The following GPC5 variants were observed in gnomAD, a reference collection of about 807,000 sequenced individuals.
GPC5 encodes the protein glypican-5.
A neutral mutation model predicts 53.9 loss-of-function variants in GPC5; 47 were observed. The ratio of observed to expected loss-of-function variants is 0.87; its 90% CI spans 0.69 to 1.11. The LOEUF (loss-of-function observed/expected upper bound fraction) is 1.11, where lower values mean the gene tolerates loss of function less well. GPC5 is among the 50% of genes most tolerant of loss of function. The pLI, the probability that GPC5 is intolerant of heterozygous loss-of-function variation, is 0.00. For synonymous variants in GPC5, 286 were observed against 263.3 expected (o/e 1.09, Z -0.84); for missense variants, 748 against 713.1 (o/e 1.05, Z -0.56).
chr13:92,061,121 T>C (rs2041119669), intron 6 of GPC5, among the ~76,000 whole-genome samples: 1 of 152,018 alleles, frequency 6.6e-6, no homozygotes. Context: ...CACTTTATTG[T>C]TAATAGAAAA....
intron 1 of GPC5, among the ~76,000 whole-genome samples, chr13:91,447,662 G>A (rs1382113453): frequency 6.6e-6 from 1 of 152,108 alleles, no homozygotes; most frequent in Non-Finnish European, 1.5e-5. Flanking sequence ...GGCTTGAAAG[G>A]TGGTTGTTAT....
chr13:91,893,894 T>C (rs1410547848), intron 5 of GPC5, among the ~76,000 whole-genome samples: 5 of 151,936 alleles, frequency 3.3e-5, no homozygotes. Context: ...CATTCTTTGC[T>C]GGTCTATTTT....
At chr13:92,758,582 A>G (rs1875012819) in intron 7 of GPC5, among the ~76,000 whole-genome samples, 1 of 152,296 alleles carries the variant, frequency 6.6e-6, no homozygotes, top group African/African-American at 2.4e-5. Flanking sequence ...CTGAACATAG[A>G]GTGGCCATTC....
chr13:92,533,184 A>G (rs775559249), intron 7 of GPC5, among the ~76,000 whole-genome samples: 3 of 152,190 alleles, frequency 2.0e-5, no homozygotes, highest in Non-Finnish European at 4.4e-5. Flanking sequence ...TTACCTTAAA[A>G]GTACTTTTTA....
chr13:92,372,479 C>A (rs994741266), intron 7 of GPC5, among the ~76,000 whole-genome samples: 1 of 152,134 alleles, frequency 6.6e-6, no homozygotes, highest in Non-Finnish European at 1.5e-5. Context: ...ATCAGTGACA[C>A]TCCCCTCAAT....
chr13:91,452,016 T>A (rs1246829921), intron 2 of GPC5, among the ~76,000 whole-genome samples: 1 of 152,104 alleles, frequency 6.6e-6, no homozygotes, highest in Non-Finnish European at 1.5e-5. Context: ...AGGGTCTCAC[T>A]CTGTTGCCCA....
intron 7 of GPC5, among the ~76,000 whole-genome samples, chr13:92,632,876 A>G (rs1885297859): frequency 6.6e-6 from 1 of 151,716 alleles, no homozygotes; most frequent in African/African-American, 2.4e-5. Context: ...AGAAACTCCC[A>G]TTTTTTTGTT....
At chr13:92,074,537 T>G (rs2041237625) in intron 6 of GPC5, among the ~76,000 whole-genome samples, 1 of 152,192 alleles carries the variant, frequency 6.6e-6, no homozygotes, top group Non-Finnish European at 1.5e-5. Flanking sequence ...ATATCATAGT[T>G]GGCCAGTAAT....
intron 6 of GPC5, among the ~76,000 whole-genome samples, chr13:92,052,741 T>A (rs2041040660): frequency 6.6e-6 from 1 of 152,134 alleles, no homozygotes; most frequent in Non-Finnish European, 1.5e-5. Context: ...CCAGCTGGCT[T>A]CACCTCTCAG....
chr13:91,703,276 A>G (rs969172188), intron 3 of GPC5, among the ~76,000 whole-genome samples: 6 of 152,076 alleles, frequency 3.9e-5, no homozygotes, highest in African/African-American at 1.4e-4. Context: ...AAAGGTTTCA[A>G]CTTTTCACTA....
chr13:91,546,551 G>A (rs1953620), intron 2 of GPC5, among the ~76,000 whole-genome samples: 152,186 of 152,226 alleles, frequency 1, 76,073 homozygotes, highest in Middle Eastern at 1. Flanking sequence ...CAATGTCAGT[G>A]TCTTTTTCAT....
intron 7 of GPC5, among the ~76,000 whole-genome samples, chr13:92,187,882 T>C (rs1174321412): frequency 1.3e-5 from 2 of 152,204 alleles, no homozygotes; most frequent in Non-Finnish European, 2.9e-5. Context: ...TATGACTAAA[T>C]GTGAAATAAA....
chr13:91,579,121 T>G (rs1337113590), intron 2 of GPC5, among the ~76,000 whole-genome samples: 3 of 152,174 alleles, frequency 2.0e-5, no homozygotes, highest in Non-Finnish European at 4.4e-5. Flanking sequence ...CATATTTCCC[T>G]TTGTAATTAT....
intron 7 of GPC5, among the ~76,000 whole-genome samples, chr13:92,408,763 T>C (rs1340736170): frequency 6.6e-6 from 1 of 152,060 alleles, no homozygotes; most frequent in African/African-American, 2.4e-5. Context: ...ATGAACTGAT[T>C]GCATATTTCA....
At chr13:92,622,023 C>T (rs1884888168) in intron 7 of GPC5, among the ~76,000 whole-genome samples, 1 of 152,132 alleles carries the variant, frequency 6.6e-6, no homozygotes, top group South Asian at 2.1e-4. Flanking sequence ...CTTTCAGTAC[C>T]TTCTCATTCC....
intron 5 of GPC5, among the ~76,000 whole-genome samples, chr13:91,865,822 T>C (rs1215773172): frequency 6.6e-6 from 1 of 152,130 alleles, no homozygotes; most frequent in East Asian, 1.9e-4. Context: ...ATCCCATCCC[T>C]CTACTACTTA....
chr13:91,725,715 T>G (rs1413867326), intron 3 of GPC5, among the ~76,000 whole-genome samples: 2 of 152,164 alleles, frequency 1.3e-5, no homozygotes. Context: ...GCTCTCAGTC[T>G]GCCTTCCTAG....
chr13:92,542,082 G>A (rs1376740794), intron 7 of GPC5, among the ~76,000 whole-genome samples: 1 of 151,786 alleles, frequency 6.6e-6, no homozygotes, highest in Non-Finnish European at 1.5e-5. Flanking sequence ...TATATAATCT[G>A]GAATAAAGCA....
intron 6 of GPC5, among the ~76,000 whole-genome samples, chr13:92,095,351 T>A (rs1167288447): frequency 6.6e-6 from 1 of 152,066 alleles, no homozygotes; most frequent in Non-Finnish European, 1.5e-5. Context: ...AATATTTAAT[T>A]AATTTATTAT....
Sources: gnomAD v4.1 joint callset for allele counts (sites outside exome capture counted in the v4.1 genomes callset) on GRCh38, gnomAD v4.1.1 for gene constraint, MANE v1.5 for transcripts, NCBI Gene and HGNC (gene_info 2026-07-23, HGNC 2026-07-21) for gene names.